Variants in CPEB2 observed in about 807,000 individuals in gnomAD.
The protein encoded by CPEB2 is cytoplasmic polyadenylation element-binding protein 2.
A neutral mutation model predicts 93.6 loss-of-function variants in CPEB2; 56 were observed. The observed-to-expected ratio is 0.60, with a 90% confidence interval of 0.48 to 0.75. The LOEUF (loss-of-function observed/expected upper bound fraction) is 0.75. CPEB2 is among the 30% of genes least tolerant of loss of function. The pLI is 0.00. For synonymous variants in CPEB2, 764 were observed against 586.3 expected (o/e 1.30, Z -4.38); for missense variants, 1,579 against 1,395.1 (o/e 1.13, Z -2.10).
chr4:15,013,468 C>G (rs1467702988), intron 3 of CPEB2, among the ~76,000 whole-genome samples: 1 of 151,926 alleles, frequency 6.6e-6, no homozygotes, highest in East Asian at 1.9e-4. Context: ...AGTATTGTTG[C>G]GTTCATGGTA....
chr4:15,063,295 T>C (rs914982061), intron 11 of CPEB2, among the ~76,000 whole-genome samples: 1 of 151,728 alleles, frequency 6.6e-6, no homozygotes, highest in Non-Finnish European at 1.5e-5. Context: ...AGAAAAGAAA[T>C]GCAGCATAGG....
rs1187272689 is a variant in CPEB2 at position 15,058,691 on chromosome 4, C to A, written c.2580+152C>A. On this transcript the variant is annotated intron_variant, in intron 9 of 11. Coordinates refer to ENST00000538197, the MANE Select transcript of CPEB2 (RefSeq NM_001177382.2). ...GATAATTTATAGCAGGAGTCCCCAACCCCTGGGCAGTGGACCAGTACTGGT... is the reference window on the plus strand; with the variant it reads ...GATAATTTATAGCAGGAGTCCCCAAACCCTGGGCAGTGGACCAGTACTGGT... The A allele has an allele frequency of 6.7e-6, 4 of 597,650 alleles. No individual in the cohort carries two copies. The East Asian group carries it at 1.1e-4, about 17-fold the overall frequency. 37.0% of individuals were successfully genotyped at this position (597,650 alleles called of 1,614,324 possible).
intron 8 of CPEB2, 61 bp from the exon 9 acceptor site, chr4:15,058,360 T>A: frequency 1.1e-6 from 1 of 910,306 alleles, no homozygotes; most frequent in Non-Finnish European, 1.8e-6. Context: ...TAAATAGTAC[T>A]GAAATTTGGA....
Position 15,061,995 on chromosome 4 carries a change from C to T in CPEB2, c.2696-84C>T. Reference sequence around the variant, plus strand: ...TGGTCAAATGATAATATACTATTGACTTTTACGTTTTACAAAAAGTACTTA... The same window carrying T: ...TGGTCAAATGATAATATACTATTGATTTTTACGTTTTACAAAAAGTACTTA... On this transcript the variant is annotated intron_variant, in intron 10 of 11. Coordinates refer to ENST00000538197, the MANE Select transcript of CPEB2 (RefSeq NM_001177382.2). 3.9e-6 allele frequency: 5 copies of T among 1,282,268 alleles called. No individual in the cohort carries two copies. The South Asian group carries it at 7.5e-5, about 19-fold the overall frequency. 79.4% of individuals were successfully genotyped at this position (1,282,268 alleles called of 1,614,324 possible).
intron 4 of CPEB2, among the ~76,000 whole-genome samples, chr4:15,020,243 G>T (rs1362412987): frequency 6.6e-6 from 1 of 152,126 alleles, no homozygotes; most frequent in Non-Finnish European, 1.5e-5. Context: ...GCATAGATCA[G>T]CTCTGCTCAA....
intron 4 of CPEB2, among the ~76,000 whole-genome samples, chr4:15,028,276 A>G (rs1176128468): frequency 1.3e-5 from 2 of 151,872 alleles, no homozygotes; most frequent in African/African-American, 4.8e-5. Flanking sequence ...TCTCCCCACA[A>G]CTTCAATATG....
chr4:15,047,454 C>T lies in CPEB2; in HGVS notation c.2201-4960C>T, dbSNP rs529861628. Among the ~76,000 whole-genome samples, 17 of 151,996 alleles carry T rather than the reference C, an allele frequency of 1.1e-4. 1 individual carries two copies. The highest frequency in any genetic ancestry group is 2.7e-4 in the African/African-American group (11 of 41,474). On this transcript the variant is annotated intron_variant, in intron 6 of 11. Transcript: ENST00000538197. ...TTCCACAGCAAATTTTTGTCATTTT[C>T]GGTGTAAAAGTCTTACATATCTTGT...
At chr4:15,023,794 C>T (rs1725110274) in intron 4 of CPEB2, among the ~76,000 whole-genome samples, 1 of 151,366 alleles carries the variant, frequency 6.6e-6, no homozygotes, top group South Asian at 2.1e-4. Context: ...AAATAATATG[C>T]TTGTGCTCCT....
At chr4:15,015,795 T>C (rs1255201423) in intron 3 of CPEB2, among the ~76,000 whole-genome samples, 1 of 152,012 alleles carries the variant, frequency 6.6e-6, no homozygotes, top group Admixed American at 6.6e-5. Flanking sequence ...TGCCTTCATA[T>C]GCTGTTTTTT....
At chr4:15,037,208 A>G (rs910495362) in intron 5 of CPEB2, among the ~76,000 whole-genome samples, 12 of 151,978 alleles carry the variant, frequency 7.9e-5, no homozygotes, top group Non-Finnish European at 1.6e-4. Context: ...GAGCTGAGGC[A>G]GGAGAGTGGC....
rs2702573 is a variant in CPEB2, at chr4:15,060,290, G to A, written c.2695+989G>A. On this transcript the variant is annotated intron_variant, in intron 10 of 11. Transcript: ENST00000538197. ...GACTAACTCGGTATTTATTCTCAGA[G>A]CAAGGGTAAACCATTGAAGAGTTTT... is the stretch of plus-strand genomic sequence containing the variant. Among the ~76,000 whole-genome samples, 1,240 of 152,240 alleles carry A rather than the reference G, an allele frequency of 8.1e-3. 16 individuals are homozygous for A. The highest frequency in any genetic ancestry group is 0.028 in the African/African-American group (1,174 of 41,540).
At chr4:15,023,995 T>A (rs910774171) in intron 4 of CPEB2, among the ~76,000 whole-genome samples, 4 of 152,220 alleles carry the variant, frequency 2.6e-5, no homozygotes, top group African/African-American at 9.6e-5. Flanking sequence ...TAACATTTTC[T>A]TTTTCATAAA....
chr4:15,053,605 A>G (rs1276150286), intron 7 of CPEB2, among the ~76,000 whole-genome samples: 3 of 152,222 alleles, frequency 2.0e-5, no homozygotes, highest in Admixed American at 1.3e-4. Context: ...TAAGCTTTCT[A>G]TGTAATGAAA....
Position 15,002,748 on chromosome 4 carries a change from C to T in CPEB2, c.75C>T (p.Gly25=). The T allele has an allele frequency of 5.2e-6, 8 of 1,535,308 alleles. No individual in the cohort carries two copies. The highest frequency in any genetic ancestry group is 1.2e-5 in the South Asian group (1 of 84,030). The change falls in exon 1 of 12, where the codon GGC becomes GGT. Residue 25 remains glycine, a synonymous_variant. Coordinates refer to ENST00000538197, the MANE Select transcript of CPEB2 (RefSeq NM_001177382.2). ...RSSSPGPLFC[G]EAYGPYAVGS... Reference sequence around the variant, plus strand: ...GCAGTCCTGGGCCCCTGTTCTGCGGCGAGGCGTATGGTCCTTACGCCGTGG... The same window carrying T: ...GCAGTCCTGGGCCCCTGTTCTGCGGTGAGGCGTATGGTCCTTACGCCGTGG...
chr4:15,028,537 C>T (rs1402055165), intron 4 of CPEB2, among the ~76,000 whole-genome samples: 1 of 151,988 alleles, frequency 6.6e-6, no homozygotes, highest in Non-Finnish European at 1.5e-5. Context: ...TTACTGCCTT[C>T]ATGGATCTTC....
intron 6 of CPEB2, among the ~76,000 whole-genome samples, chr4:15,049,343 G>C (rs1560246473): frequency 6.6e-6 from 1 of 151,678 alleles, no homozygotes; most frequent in Non-Finnish European, 1.5e-5. Flanking sequence ...AATACTTACT[G>C]TATTTATGAC....
rs150030381 is a variant in CPEB2 at position 15,012,947 on chromosome 4, T to C, written c.2035-4241T>C. On this transcript the variant is annotated intron_variant, in intron 3 of 11. Transcript: ENST00000538197. ...TTTTAATGTATCCCAGCAAAAAAAA[T>C]TAATATCTCTTCAAAAAGTTCTCTT... Among the ~76,000 whole-genome samples the C allele has an allele frequency of 1.8e-4, 27 of 152,120 alleles. No homozygotes were observed. In the East Asian group the frequency reaches 5.0e-3, roughly 28 times the overall value.
intron 6 of CPEB2, among the ~76,000 whole-genome samples, chr4:15,047,268 G>A (rs1727801381): frequency 6.6e-6 from 1 of 152,086 alleles, no homozygotes; most frequent in Non-Finnish European, 1.5e-5. Context: ...GTAGGCCTTT[G>A]ATTTATCATA....
intron 1 of CPEB2, among the ~76,000 whole-genome samples, chr4:15,005,508 A>G (rs925287640): frequency 6.6e-6 from 1 of 152,174 alleles, no homozygotes; most frequent in Non-Finnish European, 1.5e-5. Context: ...GCATTGAAAG[A>G]GTGTCTTGTT....
Sources: allele counts gnomAD v4.1 joint callset (sites outside exome capture counted in the v4.1 genomes callset), GRCh38; gene constraint gnomAD v4.1.1; transcripts MANE v1.5; gene names NCBI Gene and HGNC (gene_info 2026-07-23, HGNC 2026-07-21).